Variants in ATP6V0D1 observed in about 807,000 individuals in gnomAD.
ATP6V0D1 encodes V-type proton ATPase subunit d 1.
ATP6V0D1 carries 13 observed loss-of-function variants against 39.0 expected under a neutral mutation model. That is an observed-to-expected ratio of 0.33 (90% CI 0.22 to 0.53). The LOEUF (loss-of-function observed/expected upper bound fraction) is 0.53, where lower values mean the gene tolerates loss of function less well. Among genes scored for constraint, ATP6V0D1 ranks in the 20% least tolerant of loss-of-function variants. ATP6V0D1 has a pLI of 0.94. For missense variants in ATP6V0D1, 272 were observed against 470.9 expected (o/e 0.58, Z 3.91); for synonymous variants, 191 against 191.2 (o/e 1.00, Z 0.01).
intron 1 of ATP6V0D1, among the ~76,000 whole-genome samples, chr16:67,476,897 G>A (rs769629498): frequency 2.4e-4 from 36 of 151,834 alleles, no homozygotes; most frequent in Non-Finnish European, 4.1e-4. Flanking sequence ...AATTAGCCAG[G>A]TGGCGGGTGC....
intron 1 of ATP6V0D1, among the ~76,000 whole-genome samples, chr16:67,474,448 T>C (rs1340795354): frequency 3.3e-5 from 5 of 152,246 alleles, no homozygotes; most frequent in African/African-American, 9.6e-5. Context: ...TCTTCTGTTC[T>C]CATTAAGGTC....
chr16:67,438,960 G>A lies in ATP6V0D1; in HGVS notation c.816+11C>T, dbSNP rs72650140. The A allele has an allele frequency of 6.1e-5, 98 of 1,613,534 alleles. No homozygotes were observed. The highest frequency in any genetic ancestry group is 1.6e-4 in the Middle Eastern group (1 of 6,062). ...ACATCCAACCGCTGTCCTGCCAGCC[G>A]GGGCACTCACCGGGTAGTAATCGGC... On this transcript the variant is annotated intron_variant, in intron 6 of 7. Transcript: ENST00000290949.
At chr16:67,465,998 G>C (rs945909668) in intron 1 of ATP6V0D1, among the ~76,000 whole-genome samples, 2 of 152,124 alleles carry the variant, frequency 1.3e-5, no homozygotes, top group African/African-American at 4.8e-5. Flanking sequence ...CCTTGTGGTG[G>C]GAGGATGGCA....
intron 1 of ATP6V0D1, among the ~76,000 whole-genome samples, chr16:67,475,217 C>A (rs906015711): frequency 2.0e-5 from 3 of 152,242 alleles, no homozygotes; most frequent in Admixed American, 1.3e-4. Context: ...CCTTAACTTT[C>A]CAGCCACAGT....
At chr16:67,465,050 G>C (rs887545647) in intron 1 of ATP6V0D1, among the ~76,000 whole-genome samples, 3 of 152,244 alleles carry the variant, frequency 2.0e-5, no homozygotes, top group Non-Finnish European at 4.4e-5. Context: ...GCCTACTAAA[G>C]CACCCTTCGG....
intron 2 of ATP6V0D1, among the ~76,000 whole-genome samples, chr16:67,448,399 C>A (rs1343209278): frequency 1.3e-5 from 2 of 152,070 alleles, no homozygotes; most frequent in African/African-American, 4.8e-5. Context: ...GTGGCTCATG[C>A]CTGTTATCCC....
Position 67,453,705 on chromosome 16 carries a change from C to T in ATP6V0D1, c.141G>A (p.Leu47=). 6.2e-7 allele frequency: 1 copy of T among 1,613,946 alleles called. No individual in the cohort carries two copies. Among genetic ancestry groups the T allele is most frequent in the African/African-American group, 1.3e-5 (1 of 75,030 alleles). The change falls in exon 2 of 8, where the codon CTG becomes CTA. Residue 47 remains leucine, a synonymous_variant. Transcript: ENST00000290949. The surrounding 1 kb of genome is among the most constrained non-coding windows in gnomAD (Gnocchi z 4.1). ...VQCETLEDLK[L]HLQSTDYGNF... Reference sequence around the variant, plus strand: ...TACCATAATCAGTGCTCTGCAGATGCAGTTTCAAGTCTGAAACCCAAGGGT... The same window carrying T: ...TACCATAATCAGTGCTCTGCAGATGTAGTTTCAAGTCTGAAACCCAAGGGT...
At chr16:67,472,694 C>T (rs1257421726) in intron 1 of ATP6V0D1, among the ~76,000 whole-genome samples, 2 of 152,158 alleles carry the variant, frequency 1.3e-5, no homozygotes, top group African/African-American at 2.4e-5. Context: ...GGTGAAACCC[C>T]GTTTCTACTA....
chr16:67,448,771 C>T (rs911753273), intron 2 of ATP6V0D1, among the ~76,000 whole-genome samples: 6 of 152,278 alleles, frequency 3.9e-5, no homozygotes, highest in Middle Eastern at 3.4e-3. Context: ...TGGGTCCTTC[C>T]ACCTGGTCTG....
At chr16:67,448,033 G>C (rs145718943) in intron 2 of ATP6V0D1, among the ~76,000 whole-genome samples, 4,429 of 152,252 alleles carry the variant, frequency 0.029, 82 homozygotes, top group Middle Eastern at 0.14. Flanking sequence ...ACCACCTCTC[G>C]AGACTTAGTT....
rs890480281 is a variant in ATP6V0D1 at position 67,447,817 on chromosome 16, C to T, written c.303-3111G>A. ...CTGGAACAATATGGCTTCTCAACCCCGGGTGGCTGGTCTGGTGCTGGTGAG... is the reference window on the plus strand; with the variant it reads ...CTGGAACAATATGGCTTCTCAACCCTGGGTGGCTGGTCTGGTGCTGGTGAG... On this transcript the variant is annotated intron_variant, in intron 2 of 7. Transcript: ENST00000290949. This position sits in a 1 kb window ranked among gnomAD's most constrained non-coding sequence, Gnocchi z 4.1. Among the ~76,000 whole-genome samples, 3 of 152,200 alleles carry T rather than the reference C, an allele frequency of 2.0e-5. No homozygotes were observed. Among genetic ancestry groups the T allele is most frequent in the Admixed American group, 6.5e-5 (1 of 15,274 alleles).
At chr16:67,458,543 A>C (rs1051929011) in intron 1 of ATP6V0D1, among the ~76,000 whole-genome samples, 1 of 152,146 alleles carries the variant, frequency 6.6e-6, no homozygotes, top group Non-Finnish European at 1.5e-5. Context: ...TCTGGCTAGC[A>C]CAGACTCGGG....
At chr16:67,466,326 T>TACACACACACAC (rs536624557) in intron 1 of ATP6V0D1, among the ~76,000 whole-genome samples, 19 of 120,582 alleles carry the variant, frequency 1.6e-4, no homozygotes, top group South Asian at 5.7e-4. Context: ...AGTAAACACA[T>TACACACACACAC]ACACACACAC....
At position 67,438,369 on chromosome 16, in the gene ATP6V0D1, G is replaced by T; in HGVS notation, c.*159C>A. The stretch of plus-strand genomic sequence containing the variant: ...AGGCCTAAGAACAGTCTCTAAGAGG[G>T]TCAGGAGAACTGGGCAGCCGCTAGG... On this transcript the variant is annotated 3_prime_UTR_variant, in exon 8 of 8. Coordinates refer to ENST00000290949, the MANE Select transcript of ATP6V0D1 (RefSeq NM_004691.5). 1.2e-6 allele frequency: 1 copy of T among 860,860 alleles called. No individual in the cohort carries two copies. Among genetic ancestry groups the T allele is most frequent in the Non-Finnish European group, 1.8e-6 (1 of 564,124 alleles). 53.3% of individuals were successfully genotyped at this position (860,860 alleles called of 1,614,324 possible).
At chr16:67,476,259 A>G (rs1473247629) in intron 1 of ATP6V0D1, among the ~76,000 whole-genome samples, 1 of 152,158 alleles carries the variant, frequency 6.6e-6, no homozygotes, top group African/African-American at 2.4e-5. Flanking sequence ...ATAGTAAGGA[A>G]GCTTTCAATG....
intron 1 of ATP6V0D1, among the ~76,000 whole-genome samples, chr16:67,464,693 A>G (rs1232755186): frequency 6.6e-6 from 1 of 152,254 alleles, no homozygotes; most frequent in Admixed American, 6.5e-5. Flanking sequence ...TGAGTTTCAG[A>G]TGACTCCTCA....
chr16:67,446,132 C>T (rs571251635), intron 2 of ATP6V0D1, among the ~76,000 whole-genome samples: 15 of 152,108 alleles, frequency 9.9e-5, no homozygotes, highest in Non-Finnish European at 1.8e-4. Flanking sequence ...AGGTGTCTTC[C>T]CCCATACTGA....
chr16:67,459,121 G>C, intron 1 of ATP6V0D1: 1 of 985,580 alleles, frequency 1.0e-6, no homozygotes, highest in Non-Finnish European at 1.2e-6. Flanking sequence ...TGGTCTAACA[G>C]TGCTACTTGC....
At chr16:67,471,037 A>G (rs1187721465) in intron 1 of ATP6V0D1, among the ~76,000 whole-genome samples, 1 of 152,220 alleles carries the variant, frequency 6.6e-6, no homozygotes, top group African/African-American at 2.4e-5. Flanking sequence ...TCCATCCTCT[A>G]GAGCCTCAGA....
Sources: allele counts gnomAD v4.1 joint callset (sites outside exome capture counted in the v4.1 genomes callset), GRCh38; gene constraint gnomAD v4.1.1; non-coding constraint Gnocchi (gnomAD v3.1); transcripts MANE v1.5; gene names NCBI Gene and HGNC (gene_info 2026-07-23, HGNC 2026-07-21).